LRRN1: variants seen among roughly 807,000 people sequenced by gnomAD.
LRRN1 encodes the protein leucine rich repeat neuronal 1.
LRRN1 carries 14 observed loss-of-function variants against 45.8 expected under a neutral mutation model. That is an observed-to-expected ratio of 0.31 (90% confidence interval 0.20 to 0.48). The LOEUF (loss-of-function observed/expected upper bound fraction) is 0.48, where lower values mean the gene tolerates loss of function less well. Ranked by LOEUF, LRRN1 falls within the 20% of genes least tolerant of loss-of-function variation. The pLI is 0.99. For missense variants in LRRN1, 789 were observed against 874.2 expected (o/e 0.90, Z 1.23); for synonymous variants, 359 against 330.1 (o/e 1.09, Z -0.95).
intron 1 of LRRN1, among the ~76,000 whole-genome samples, chr3:3,805,414 A>G (rs1692731682): frequency 6.6e-6 from 1 of 152,216 alleles, no homozygotes; most frequent in South Asian, 2.1e-4. Context: ...CAAGTACTGT[A>G]CAGAGAATCA....
In LRRN1 at chr3:3,845,038, G is replaced by C. The variant is rs377314657; in HGVS notation, c.397G>C (p.Glu133Gln). The C allele has an allele frequency of 2.5e-6, 4 of 1,614,102 alleles. No homozygotes were observed. The highest frequency in any genetic ancestry group is 3.4e-6 in the Non-Finnish European group (4 of 1,180,018). The part of the protein sequence containing the change: ...TLHLEENQIT[E>Q]MTDYCLQDLS... ...GCATTTGGAGGAAAATCAGATTACC[G>C]AGATGACTGATTACTGTCTACAAGA... Residue 133 changes from glutamate (E) to glutamine (Q), a missense_variant, in exon 2 of 2, where the codon GAG becomes CAG. Physicochemically the swap from Glu to Gln is conservative, Grantham distance 29. Transcript: ENST00000319331. This position sits in a 1 kb window ranked among gnomAD's most constrained non-coding sequence, Gnocchi z 6.5.
At chr3:3,834,960 C>A (rs1693474860) in intron 1 of LRRN1, among the ~76,000 whole-genome samples, 1 of 152,088 alleles carries the variant, frequency 6.6e-6, no homozygotes, top group Non-Finnish European at 1.5e-5. Context: ...TGCTTTGTAT[C>A]CCTCAATCCA....
chr3:3,844,992 C>T lies in LRRN1; in HGVS notation c.351C>T (p.Asn117=), dbSNP rs1264370882. 5 of 1,614,102 alleles carry T rather than the reference C, an allele frequency of 3.1e-6. No homozygotes were observed. The South Asian group carries it at 3.3e-5, about 11-fold the overall frequency. The change falls in exon 2 of 2, where the codon AAC becomes AAT. Residue 117 remains asparagine (N), a synonymous_variant. Transcript: ENST00000319331. ...ACATTAAGGAGGTCGGGCTGGCAAA[C>T]CTAACCCAGCTCACAACGCTGCATT... ...FTNIKEVGLA[N]LTQLTTLHLE...
intron 1 of LRRN1, among the ~76,000 whole-genome samples, chr3:3,840,286 T>A (rs1266935573): frequency 1.3e-5 from 2 of 152,208 alleles, no homozygotes; most frequent in African/African-American, 4.8e-5. Context: ...CTGATAGTTT[T>A]TCACATATGG....
Position 3,845,279 on chromosome 3 carries a change from C to G in LRRN1, c.638C>G (p.Pro213Arg). The stretch of plus-strand genomic sequence containing the variant: ...GGAATTCTGGATATGAACTTCAAAC[C>G]CCTCGCAAATTTGAGAAGCTTAGTT... ...VIGILDMNFK[P>R]LANLRSLVLA... The change falls in exon 2 of 2, where the codon CCC (proline) becomes CGC (arginine). Residue 213 changes from proline (P) to arginine (R), a missense_variant. Pro to Arg is a moderately radical substitution (Grantham distance 103, BLOSUM62 -2). Coordinates refer to ENST00000319331, the MANE Select transcript of LRRN1 (RefSeq NM_020873.7). The surrounding 1 kb of genome is among the most constrained non-coding windows in gnomAD (Gnocchi z 6.5). 6.2e-7 allele frequency: 1 copy of G among 1,614,016 alleles called. No homozygotes were observed. The highest frequency in any genetic ancestry group is 8.5e-7 in the Non-Finnish European group (1 of 1,180,022).
chr3:3,845,449 C>T lies in LRRN1; in HGVS notation c.808C>T (p.Leu270Phe). 6.2e-7 allele frequency: 1 copy of T among 1,614,032 alleles called. No individual in the cohort carries two copies. The highest frequency in any genetic ancestry group is 2.2e-5 in the East Asian group (1 of 44,870). ...QKVPNLKFLDLNKNPIHKIQE... is the reference protein window; with the variant it reads ...QKVPNLKFLDFNKNPIHKIQE... Reference sequence around the variant, plus strand: ...AGTTCCAAATTTGAAATTCTTAGACCTCAACAAAAACCCCATTCACAAAAT... The same window carrying T: ...AGTTCCAAATTTGAAATTCTTAGACTTCAACAAAAACCCCATTCACAAAAT... The change falls in exon 2 of 2, where the codon CTC (leucine) becomes TTC (phenylalanine). Residue 270 changes from leucine (L) to phenylalanine (F), a missense_variant. Physicochemically the swap from Leu to Phe is conservative, Grantham distance 22. Coordinates refer to ENST00000319331, the MANE Select transcript of LRRN1 (RefSeq NM_020873.7). This position sits in a 1 kb window ranked among gnomAD's most constrained non-coding sequence, Gnocchi z 6.5.
At position 3,845,847 on chromosome 3, in the gene LRRN1, G is replaced by A. The variant is rs147557425; in HGVS notation, c.1206G>A (p.Pro402=). 42 of 1,613,994 alleles carry A rather than the reference G, an allele frequency of 2.6e-5. No homozygotes were observed. The highest frequency in any genetic ancestry group is 2.2e-4 in the Admixed American group (13 of 60,002). The change falls in exon 2 of 2, where the codon CCG becomes CCA. Residue 402 remains proline, a synonymous_variant. Transcript: ENST00000319331. This position sits in a 1 kb window ranked among gnomAD's most constrained non-coding sequence, Gnocchi z 6.5. ...CCCTGTCCATGTTCTGTGCCATGCC[G>A]CCCGAATATAAAGGGCACCAGGTGA... is the stretch of plus-strand genomic sequence containing the variant. ...MEPLSMFCAM[P]PEYKGHQVKE...
At position 3,799,491 on chromosome 3, in the gene LRRN1, G is replaced by T. The variant is rs994062512; in HGVS notation, c.-707G>T. On this transcript the variant is annotated 5_prime_UTR_variant, in exon 1 of 2. Transcript: ENST00000319331. Reference sequence around the variant, plus strand: ...CGAGCCGGTGAACGAGGCGAGGCCCGTGCGCCCGCGGCTGCAAGCGCCCGC... The same window carrying T: ...CGAGCCGGTGAACGAGGCGAGGCCCTTGCGCCCGCGGCTGCAAGCGCCCGC... 1.3e-5 allele frequency: 2 copies of T among 151,958 alleles called. No homozygotes were observed. The highest frequency in any genetic ancestry group is 1.3e-4 in the Admixed American group (2 of 15,258). 9.4% of individuals were successfully genotyped at this position (151,958 alleles called of 1,614,324 possible).
chr3:3,806,464 G>T (rs1692761263), intron 1 of LRRN1, among the ~76,000 whole-genome samples: 2 of 152,170 alleles, frequency 1.3e-5, no homozygotes, highest in Non-Finnish European at 2.9e-5. Context: ...AACATAAGGG[G>T]GTTGGATGGT....
At chr3:3,822,808 A>AGCC (rs1469660589) in intron 1 of LRRN1, 3 of 152,214 alleles carry the variant, frequency 2.0e-5, no homozygotes, top group Non-Finnish European at 4.4e-5. Context: ...TTTTGAAGGC[A>AGCC]GCCACTTGAT....
At chr3:3,824,274 T>C (rs934263536) in intron 1 of LRRN1, among the ~76,000 whole-genome samples, 2 of 152,204 alleles carry the variant, frequency 1.3e-5, no homozygotes, top group Non-Finnish European at 2.9e-5. Flanking sequence ...ACATTCATAT[T>C]ATTCATGAGG....
rs56822818 is a variant in LRRN1, at chr3:3,816,083, CTAAAAT to C, written c.-279+16167_-279+16172del. On this transcript the variant is annotated intron_variant, in intron 1 of 1. Transcript: ENST00000319331. This position sits in a 1 kb window ranked among gnomAD's most constrained non-coding sequence, Gnocchi z 4.0. ...TATGAAGGACAATATGGATATTCAA[CTAAAAT>C]TATTCTTTTTACTTTTAATAATGAA... Among the ~76,000 whole-genome samples the C allele has an allele frequency of 0.05, 7,635 of 152,144 alleles. 658 individuals carry two copies. The highest frequency in any genetic ancestry group is 0.18 in the African/African-American group (7,268 of 41,444).
chr3:3,815,136 A>G (rs987634009), intron 1 of LRRN1, among the ~76,000 whole-genome samples: 1 of 152,080 alleles, frequency 6.6e-6, no homozygotes, highest in African/African-American at 2.4e-5. Flanking sequence ...GGCATAACCA[A>G]AATCCCATTC....
chr3:3,831,169 C>T (rs977590288), intron 1 of LRRN1, among the ~76,000 whole-genome samples: 9 of 152,306 alleles, frequency 5.9e-5, no homozygotes, highest in South Asian at 2.1e-4. Flanking sequence ...ATAAATGGGC[C>T]GGAGTAACAC....
chr3:3,811,983 G>A (rs749058184), intron 1 of LRRN1, among the ~76,000 whole-genome samples: 3 of 152,164 alleles, frequency 2.0e-5, no homozygotes, highest in South Asian at 2.1e-4. Context: ...TTTATTGACC[G>A]CAAACTCATC....
chr3:3,846,853 A>C lies in LRRN1; in HGVS notation c.*61A>C. ...CAAAGACGTTTTTGCTTTATTCTGC[A>C]AAAGTGAACAAGTTGAAGACTTTTG... is the stretch of plus-strand genomic sequence containing the variant. On this transcript the variant is annotated 3_prime_UTR_variant, in exon 2 of 2. Transcript: ENST00000319331. The surrounding 1 kb of genome is among the most constrained non-coding windows in gnomAD (Gnocchi z 5.7). 7.5e-7 allele frequency: 1 copy of C among 1,338,280 alleles called. No homozygotes were observed. Among genetic ancestry groups the C allele is most frequent in the Non-Finnish European group, 1.0e-6 (1 of 978,656 alleles). The allele number at this position is 1,338,280 out of a possible 1,614,324, so 82.9% of individuals were successfully genotyped here.
rs543768828 is a variant in LRRN1, at chr3:3,809,088, T to A, written c.-279+9169T>A. On this transcript the variant is annotated intron_variant, in intron 1 of 1. Coordinates refer to ENST00000319331, the MANE Select transcript of LRRN1 (RefSeq NM_020873.7). The stretch of plus-strand genomic sequence containing the variant: ...GGTAAAGTGATTAATTTTGAAAAAA[T>A]TACTGCCGATATTTGCAGAAATAAG... Among the ~76,000 whole-genome samples the A allele has an allele frequency of 3.9e-5, 6 of 152,270 alleles. No homozygotes were observed. In the South Asian group the frequency reaches 1.2e-3, roughly 32 times the overall value.
intron 1 of LRRN1, among the ~76,000 whole-genome samples, chr3:3,842,135 A>T (rs1206157323): frequency 6.6e-6 from 1 of 152,210 alleles, no homozygotes; most frequent in African/African-American, 2.4e-5. Flanking sequence ...GTATTGAAAC[A>T]TAAGGGTATA....
chr3:3,840,394 T>A (rs1386502655), intron 1 of LRRN1, among the ~76,000 whole-genome samples: 4 of 152,198 alleles, frequency 2.6e-5, no homozygotes, highest in Non-Finnish European at 4.4e-5. Flanking sequence ...GGGATATTGG[T>A]CTGTAGTTTT....
Sources: gnomAD v4.1 joint callset for allele counts (sites outside exome capture counted in the v4.1 genomes callset) on GRCh38, gnomAD v4.1.1 for gene constraint, Gnocchi (gnomAD v3.1) non-coding constraint, MANE v1.5 for transcripts, NCBI Gene and HGNC (gene_info 2026-07-23, HGNC 2026-07-21) for gene names.